The following ZCCHC14 variants were observed in gnomAD, a reference collection of about 807,000 sequenced individuals.
ZCCHC14 encodes zinc finger CCHC domain-containing protein 14.
Under a neutral mutation model 85.0 loss-of-function variants are expected in ZCCHC14, and 16 were observed. The ratio of observed to expected loss-of-function variants is 0.19; its 90% confidence interval spans 0.13 to 0.29. The LOEUF is 0.29. Ranked by LOEUF, ZCCHC14 falls within the 10% of genes least tolerant of loss-of-function variation. The pLI is 1.00. For missense variants in ZCCHC14, 1,303 were observed against 1,443.5 expected, an observed-to-expected ratio of 0.90 and a Z score of 1.58; for synonymous variants, 775 against 630.7, an observed-to-expected ratio of 1.23 and a Z score of -3.43.
At chr16:87,422,779 T>C (rs891705759) in intron 4 of ZCCHC14, among the ~76,000 whole-genome samples, 2 of 150,252 alleles carry the variant, frequency 1.3e-5, no homozygotes, top group African/African-American at 4.9e-5. Flanking sequence ...AAAAGCCCAA[T>C]GAGAGGTCGA....
At position 87,420,701 on chromosome 16, in the gene ZCCHC14, G is replaced by A. The variant is rs770208583; in HGVS notation, c.856C>T (p.Pro286Ser). 1 of 1,613,164 alleles carries A rather than the reference G, an allele frequency of 6.2e-7. No homozygotes were observed. The highest frequency in any genetic ancestry group is 8.5e-7 in the Non-Finnish European group (1 of 1,179,594). ...EFISKLCQLY[P>S]EENLEKLIPC... ...ATGAGTTTCTCCAAGTTCTCTTCAG[G>A]ATAGAGCTGACATAGCTGGAAGAGA... Residue 286 changes from proline to serine, a missense_variant, in exon 5 of 13, where the codon CCT becomes TCT. Physicochemically the swap from Pro to Ser is moderately conservative, Grantham distance 74. Transcript: ENST00000671377. The surrounding 1 kb of genome is among the most constrained non-coding windows in gnomAD (Gnocchi z 5.0).
chr16:87,415,293 G>A lies in ZCCHC14; in HGVS notation c.1458C>T (p.Thr486=), dbSNP rs764335197. 6.2e-7 allele frequency: 1 copy of A among 1,613,852 alleles called. No individual in the cohort carries two copies. The highest frequency in any genetic ancestry group is 8.5e-7 in the Non-Finnish European group (1 of 1,179,958). ...LTMGAKKKLK[T]QLELEKEKSE... ...ACACTCACTTTTCCAGCTCCAGCTGGGTCTTGAGCTTCTTCTTTGCCCCCA... is the reference window on the plus strand; with the variant it reads ...ACACTCACTTTTCCAGCTCCAGCTGAGTCTTGAGCTTCTTCTTTGCCCCCA... Residue 486 remains threonine, a synonymous_variant, in exon 9 of 13, where the codon ACC becomes ACT. Coordinates refer to ENST00000671377, the MANE Select transcript of ZCCHC14 (RefSeq NM_015144.3).
In ZCCHC14 at chr16:87,406,323, T is replaced by TTTTAACAAAAGTATAATAAA. The variant is rs1908199956; in HGVS notation, c.*3956_*3957insTTTATTATACTTTTGTTAAA. 1 of 152,658 alleles carries TTTTAACAAAAGTATAATAAA rather than the reference T, an allele frequency of 6.6e-6. No homozygotes were observed. The highest frequency in any genetic ancestry group is 1.5e-5 in the Non-Finnish European group (1 of 68,048). 9.5% of individuals were successfully genotyped at this position (152,658 alleles called of 1,614,324 possible). A position where few individuals can be genotyped will look rare whatever the true frequency, so the allele number is the denominator to read the frequency against. ...ATTCTAAAAATGTACAATTTGTCCTTTTTAACAAAGTATAATAAAACATAA... is the reference window on the plus strand; with the variant it reads ...ATTCTAAAAATGTACAATTTGTCCTTTTTAACAAAAGTATAATAAATTTAACAAAGTATAATAAAACATAA... On this transcript the variant is annotated 3_prime_UTR_variant, in exon 13 of 13. Transcript: ENST00000671377.
chr16:87,443,935 G>A (rs1225565717), intron 2 of ZCCHC14, among the ~76,000 whole-genome samples: 1 of 151,512 alleles, frequency 6.6e-6, no homozygotes, highest in Non-Finnish European at 1.5e-5. Context: ...TCCTCAGGAG[G>A]CTGAGGCATG....
chr16:87,410,136 C>T lies in ZCCHC14; in HGVS notation c.*144G>A, dbSNP rs1234030807. On this transcript the variant is annotated 3_prime_UTR_variant, in exon 13 of 13. Coordinates refer to ENST00000671377, the MANE Select transcript of ZCCHC14 (RefSeq NM_015144.3). Reference sequence around the variant, plus strand: ...AAATCGAGTTTGATGCACTTCTACGCTAGATTTTCTATCCAGTCTAGGAAA... The same window carrying T: ...AAATCGAGTTTGATGCACTTCTACGTTAGATTTTCTATCCAGTCTAGGAAA... The T allele has an allele frequency of 1.1e-5, 6 of 547,404 alleles. No individual in the cohort carries two copies. The highest frequency in any genetic ancestry group is 2.0e-5 in the Non-Finnish European group (6 of 306,040). The allele number at this position is 547,404 out of a possible 1,614,324, so 33.9% of individuals were successfully genotyped here.
intron 2 of ZCCHC14, among the ~76,000 whole-genome samples, chr16:87,449,615 CT>C (rs1567528380): frequency 1.3e-5 from 2 of 152,146 alleles, no homozygotes; most frequent in Non-Finnish European, 2.9e-5. Context: ...CTTTAATTTG[CT>C]TTCAAGGTAT....
chr16:87,450,308 G>A (rs1209636838), intron 2 of ZCCHC14, among the ~76,000 whole-genome samples: 2 of 152,170 alleles, frequency 1.3e-5, no homozygotes, highest in Non-Finnish European at 2.9e-5. Flanking sequence ...GCTTGTCTAT[G>A]TTAATGGGAT....
chr16:87,482,148 A>G (rs976245473), intron 1 of ZCCHC14, among the ~76,000 whole-genome samples: 2 of 152,216 alleles, frequency 1.3e-5, no homozygotes, highest in African/African-American at 4.8e-5. Context: ...TGGGGGAAAC[A>G]TGGGAACCAT....
At chr16:87,414,001 A>C (rs574233559) in intron 10 of ZCCHC14, among the ~76,000 whole-genome samples, 2 of 152,400 alleles carry the variant, frequency 1.3e-5, no homozygotes, top group African/African-American at 4.8e-5. Context: ...TAGTTAATGG[A>C]AAATGAGTAT....
chr16:87,466,124 C>A (rs944450714), intron 1 of ZCCHC14, among the ~76,000 whole-genome samples: 55 of 150,340 alleles, frequency 3.7e-4, no homozygotes, highest in Non-Finnish European at 2.9e-4. Flanking sequence ...CAGGTATTTA[C>A]GCTTTTTTTT....
intron 3 of ZCCHC14, among the ~76,000 whole-genome samples, chr16:87,431,388 G>T (rs1909649559): frequency 6.6e-6 from 1 of 150,870 alleles, no homozygotes; most frequent in South Asian, 2.1e-4. Context: ...CAGGAAAATG[G>T]TGTGAACCCG....
chr16:87,459,822 A>C (rs1158069116), intron 2 of ZCCHC14, among the ~76,000 whole-genome samples, 186 bp downstream of exon 2: 1 of 152,300 alleles, frequency 6.6e-6, no homozygotes. Context: ...TCCTTAAAAA[A>C]CATCAATAAT....
chr16:87,467,382 C>T (rs1397006645), intron 1 of ZCCHC14: 11 of 1,599,368 alleles, frequency 6.9e-6, no homozygotes, highest in African/African-American at 1.4e-5. Context: ...GCAAGAGAAA[C>T]TGGGCACAGT....
At chr16:87,486,648 G>A (rs1352205504) in intron 1 of ZCCHC14, among the ~76,000 whole-genome samples, 3 of 152,136 alleles carry the variant, frequency 2.0e-5, no homozygotes, top group East Asian at 1.9e-4. Context: ...TAGACCTGTA[G>A]CAGCTGGCCA....
At position 87,411,615 on chromosome 16, in the gene ZCCHC14, T is replaced by C. The variant is rs1908441388; in HGVS notation, c.3106A>G (p.Ser1036Gly). Reference protein sequence around the residue: ...QGLVGSSNGSSHKKSGNLSCY... With the variant: ...QGLVGSSNGSGHKKSGNLSCY... ...GATAGGTTCCCGCTCTTTTTGTGACTGGAACCATTGCTACTGCCCACCAGT... is the reference window on the plus strand; with the variant it reads ...GATAGGTTCCCGCTCTTTTTGTGACCGGAACCATTGCTACTGCCCACCAGT... The change falls in exon 12 of 13, where the codon AGT becomes GGT. Residue 1036 changes from serine (S) to glycine (G), a missense_variant. Ser to Gly is a moderately conservative substitution (Grantham distance 56, BLOSUM62 0). Around this residue, in one of 7 missense-constraint regions of ZCCHC14, gnomAD observed 797 missense variants for 730.8 expected, o/e 1.09. Transcript: ENST00000671377. 6.2e-7 allele frequency: 1 copy of C among 1,613,846 alleles called. No individual in the cohort carries two copies.
At chr16:87,487,741 C>T (rs899650952) in intron 1 of ZCCHC14, among the ~76,000 whole-genome samples, 1 of 152,246 alleles carries the variant, frequency 6.6e-6, no homozygotes, top group Admixed American at 6.5e-5. Flanking sequence ...CTCCAAGGTC[C>T]ACCCGCTGAA....
chr16:87,432,773 G>A (rs1026938852), intron 3 of ZCCHC14, among the ~76,000 whole-genome samples: 1 of 152,214 alleles, frequency 6.6e-6, no homozygotes, highest in African/African-American at 2.4e-5. Context: ...CCAGACCAAG[G>A]AGCTTTCATC....
Position 87,420,130 on chromosome 16 carries a change from T to C in ZCCHC14, c.951-253A>G, listed in dbSNP as rs533267106. Among the ~76,000 whole-genome samples, 6 of 152,262 alleles carry C rather than the reference T, an allele frequency of 3.9e-5. No individual in the cohort carries two copies. In the South Asian group the frequency reaches 1.2e-3, roughly 32 times the overall value. On this transcript the variant is annotated intron_variant, in intron 5 of 12. Coordinates refer to ENST00000671377, the MANE Select transcript of ZCCHC14 (RefSeq NM_015144.3). The surrounding 1 kb of genome is among the most constrained non-coding windows in gnomAD (Gnocchi z 5.0). ...ACGACAGCAGTCATGCCCTGTGACA[T>C]GAGATCAGTGCCACCCACCAGCCAG...
In ZCCHC14 at chr16:87,492,497, C is replaced by G. The variant is rs1307592100; in HGVS notation, c.-259G>C. On this transcript the variant is annotated 5_prime_UTR_variant, in exon 1 of 13. Transcript: ENST00000671377. This position sits in a 1 kb window ranked among gnomAD's most constrained non-coding sequence, Gnocchi z 6.7. Reference sequence around the variant, plus strand: ...GGGGGCCCGGGGCGGCCGGGGCGGCCGGGGGCGGCGAGCGGCCTCGGGCCC... The same window carrying G: ...GGGGGCCCGGGGCGGCCGGGGCGGCGGGGGGCGGCGAGCGGCCTCGGGCCC... 1.4e-5 allele frequency: 2 copies of G among 144,952 alleles called. No homozygotes were observed. The highest frequency in any genetic ancestry group is 2.5e-5 in the African/African-American group (1 of 40,454). 9.0% of individuals were successfully genotyped at this position (144,952 alleles called of 1,614,324 possible).
Sources: gnomAD v4.1 joint callset for allele counts (sites outside exome capture counted in the v4.1 genomes callset) on GRCh38, gnomAD v4.1.1 for gene constraint, gnomAD v4.1.1 regional missense constraint, Gnocchi (gnomAD v3.1) non-coding constraint, MANE v1.5 for transcripts, NCBI Gene and HGNC (gene_info 2026-07-23, HGNC 2026-07-21) for gene names.